CDC42: variants seen among roughly 807,000 people sequenced by gnomAD.
The protein encoded by CDC42 is cell division cycle 42, also known as cell division control protein 42 homolog.
In CDC42, 1 loss-of-function variant was observed where a neutral mutation model predicts 20.8. The ratio of observed to expected loss-of-function variants is 0.05; its 90% confidence interval spans 0.02 to 0.23. The LOEUF is 0.23. CDC42 is among the 10% of genes least tolerant of loss of function. The pLI is 1.00. For missense variants in CDC42, 49 were observed against 227.9 expected (o/e 0.21, Z 5.05); for synonymous variants, 72 against 84.8 (o/e 0.85, Z 0.83).
chr1:22,097,028 A>G lies in CDC42; in HGVS notation c.*5511A>G, dbSNP rs1441845842. On this transcript the variant is annotated 3_prime_UTR_variant, in exon 6 of 6. Coordinates refer to ENST00000656825, the MANE Select transcript of CDC42 (RefSeq NM_001791.4). ...TAAGATGGAGAACTGGGTGGGGAAC[A>G]ATTTGTAATCCTTTTTAGTTCATAT... 6.6e-6 allele frequency among the ~76,000 whole-genome samples: 1 copy of G among 152,240 alleles called. No homozygotes were observed. Among genetic ancestry groups the G allele is most frequent in the Non-Finnish European group, 1.5e-5 (1 of 68,046 alleles).
chr1:22,061,290 C>T (rs572199284), intron 1 of CDC42, among the ~76,000 whole-genome samples: 1 of 151,866 alleles, frequency 6.6e-6, no homozygotes, highest in Non-Finnish European at 1.5e-5. Flanking sequence ...TGCCTGTAAT[C>T]CCAGCTACTC....
Position 22,097,950 on chromosome 1 carries a change from A to G in CDC42, c.*6433A>G, listed in dbSNP as rs1645767955. ...ACCATGCATCTCTGAAGTAGAAGTG[A>G]CAGATTTTCAAGGCTAAGGTAAGTA... is the stretch of plus-strand genomic sequence containing the variant. On this transcript the variant is annotated 3_prime_UTR_variant, in exon 6 of 6. Transcript: ENST00000656825. 1.3e-5 allele frequency among the ~76,000 whole-genome samples: 2 copies of G among 152,218 alleles called. No individual in the cohort carries two copies. The highest frequency in any genetic ancestry group is 6.5e-5 in the Admixed American group (1 of 15,274).
intron 1 of CDC42, among the ~76,000 whole-genome samples, chr1:22,072,091 C>CTTTTTT (rs55929932): frequency 1.4e-5 from 1 of 70,826 alleles, no homozygotes; most frequent in Admixed American, 2.1e-4. Context: ...TTTTACTTAC[C>CTTTTTT]TTTTTTTTTT....
intron 2 of CDC42, among the ~76,000 whole-genome samples, chr1:22,080,713 T>C (rs1378098408): frequency 6.6e-6 from 1 of 152,224 alleles, no homozygotes; most frequent in Non-Finnish European, 1.5e-5. Flanking sequence ...CATTTAGCAT[T>C]GTTAAACCTC....
intron 5 of CDC42, chr1:22,089,817 G>A (rs752231827): frequency 6.8e-6 from 6 of 888,206 alleles, no homozygotes; most frequent in Non-Finnish European, 9.9e-6. Flanking sequence ...TAGCATTCTA[G>A]CGTTTTTCTT....
Position 22,095,899 on chromosome 1 carries a change from G to A in CDC42, c.*4382G>A, listed in dbSNP as rs527811160. Among the ~76,000 whole-genome samples the A allele has an allele frequency of 5.9e-5, 9 of 152,144 alleles. No individual in the cohort carries two copies. The highest frequency in any genetic ancestry group is 1.0e-4 in the Non-Finnish European group (7 of 67,982). On this transcript the variant is annotated 3_prime_UTR_variant, in exon 6 of 6. Transcript: ENST00000656825. ...TTCTCGTATTCCATTGCCCAGAGAT[G>A]GCATATAGCCGATCCCAAGTCAGTG...
intron 2 of CDC42, among the ~76,000 whole-genome samples, chr1:22,079,160 A>G (rs1227089558): frequency 7.9e-6 from 1 of 127,310 alleles, no homozygotes; most frequent in South Asian, 2.5e-4. Context: ...TTTTTTTGAG[A>G]TGGAGTCTCT....
rs1645735576 is a variant in CDC42 at position 22,093,525 on chromosome 1, A to G, written c.*2008A>G. On this transcript the variant is annotated 3_prime_UTR_variant, in exon 6 of 6. Coordinates refer to ENST00000656825, the MANE Select transcript of CDC42 (RefSeq NM_001791.4). ...AGGACATTATACTGATCTGCATGAG[A>G]ATCTTAGAAACTAAGAACCCTTAAA... is the stretch of plus-strand genomic sequence containing the variant. Among the ~76,000 whole-genome samples, 1 of 152,198 alleles carries G rather than the reference A, an allele frequency of 6.6e-6. No homozygotes were observed. The highest frequency in any genetic ancestry group is 2.4e-5 in the African/African-American group (1 of 41,438).
At chr1:22,075,548 T>C (rs1182597013) in intron 1 of CDC42, among the ~76,000 whole-genome samples, 1 of 152,230 alleles carries the variant, frequency 6.6e-6, no homozygotes, top group Non-Finnish European at 1.5e-5. Flanking sequence ...GTGTTATGAG[T>C]TCCTTTCTAA....
chr1:22,099,741 G>A lies in CDC42; in HGVS notation c.*8224G>A, dbSNP rs2124070873. Among the ~76,000 whole-genome samples the A allele has an allele frequency of 6.6e-6, 1 of 152,220 alleles. No homozygotes were observed. The highest frequency in any genetic ancestry group is 2.1e-4 in the South Asian group (1 of 4,818). ...AGGTGTAGCTTTAGAGGATTGTAGG[G>A]TGCCTTTGCCCATTGTGTCATTTGG... On this transcript the variant is annotated 3_prime_UTR_variant, in exon 6 of 6. Transcript: ENST00000656825.
At chr1:22,076,792 T>A (rs1288090969) in intron 1 of CDC42, among the ~76,000 whole-genome samples, 1 of 151,930 alleles carries the variant, frequency 6.6e-6, no homozygotes, top group African/African-American at 2.4e-5. Flanking sequence ...TGCTTCTTAG[T>A]GCATAAAAGG....
intron 1 of CDC42, among the ~76,000 whole-genome samples, chr1:22,054,893 A>G (rs11802628): frequency 0.083 from 367 of 4,432 alleles, 6 homozygotes; most frequent in East Asian, 0.37. Flanking sequence ...GAATTTATGT[A>G]TATATATATA....
chr1:22,059,859 G>T (rs1169300309), intron 1 of CDC42, among the ~76,000 whole-genome samples: 3 of 149,536 alleles, frequency 2.0e-5, no homozygotes, highest in Non-Finnish European at 4.4e-5. Context: ...TTTTTCAAGG[G>T]CCAGATTGAA....
At chr1:22,066,651 A>G (rs891548165) in intron 1 of CDC42, among the ~76,000 whole-genome samples, 1 of 151,630 alleles carries the variant, frequency 6.6e-6, no homozygotes. Flanking sequence ...GGAGGGTACT[A>G]TTGCCCTGGA....
In CDC42 at chr1:22,095,762, G is replaced by A. The variant is rs1645753829; in HGVS notation, c.*4245G>A. Among the ~76,000 whole-genome samples, 1 of 152,026 alleles carries A rather than the reference G, an allele frequency of 6.6e-6. No homozygotes were observed. The highest frequency in any genetic ancestry group is 2.4e-5 in the African/African-American group (1 of 41,390). On this transcript the variant is annotated 3_prime_UTR_variant, in exon 6 of 6. Coordinates refer to ENST00000656825, the MANE Select transcript of CDC42 (RefSeq NM_001791.4). Reference sequence around the variant, plus strand: ...GTCTCTAGCCTTCAGATTGGGCTCAGGTGGGCTTTGTGTTTGTCATTCTGG... The same window carrying A: ...GTCTCTAGCCTTCAGATTGGGCTCAAGTGGGCTTTGTGTTTGTCATTCTGG...
intron 1 of CDC42, among the ~76,000 whole-genome samples, chr1:22,073,791 C>T (rs1437238105): frequency 6.6e-6 from 1 of 150,656 alleles, no homozygotes; most frequent in East Asian, 2.0e-4. Context: ...GTAACTGGGA[C>T]TACAGGTGTG....
Position 22,099,899 on chromosome 1 carries a change from G to A in CDC42, c.*8382G>A, listed in dbSNP as rs1009702532. 2.1e-3 allele frequency among the ~76,000 whole-genome samples: 2 copies of A among 962 alleles called. No individual in the cohort carries two copies. Among genetic ancestry groups the A allele is most frequent in the Non-Finnish European group, 3.6e-3 (2 of 558 alleles). The allele number at this position is 962 out of a possible 152,430, so 0.6% of individuals were successfully genotyped here. Reference sequence around the variant, plus strand: ...TGAGGCATGTTATGATACAAAGCTTGTCCAAGAATTCAGAGCTAGCTTGTC... The same window carrying A: ...TGAGGCATGTTATGATACAAAGCTTATCCAAGAATTCAGAGCTAGCTTGTC... On this transcript the variant is annotated 3_prime_UTR_variant, in exon 6 of 6. Transcript: ENST00000656825.
At chr1:22,055,362 T>G (rs1238845671) in intron 1 of CDC42, among the ~76,000 whole-genome samples, 1 of 152,034 alleles carries the variant, frequency 6.6e-6, no homozygotes, top group Non-Finnish European at 1.5e-5. Context: ...TATCACATCC[T>G]CTGTTTATAC....
Position 22,093,505 on chromosome 1 carries a change from A to G in CDC42, c.*1988A>G, listed in dbSNP as rs17837994. Among the ~76,000 whole-genome samples the G allele has an allele frequency of 6.6e-6, 1 of 152,224 alleles. No homozygotes were observed. The highest frequency in any genetic ancestry group is 1.5e-5 in the Non-Finnish European group (1 of 68,026). ...AGAAAGGTTTATTTACCTTTAGGAC[A>G]TTATACTGATCTGCATGAGAATCTT... On this transcript the variant is annotated 3_prime_UTR_variant, in exon 6 of 6. Coordinates refer to ENST00000656825, the MANE Select transcript of CDC42 (RefSeq NM_001791.4).
Sources: allele counts gnomAD v4.1 joint callset (sites outside exome capture counted in the v4.1 genomes callset), GRCh38; gene constraint gnomAD v4.1.1; transcripts MANE v1.5; gene names NCBI Gene and HGNC (gene_info 2026-07-23, HGNC 2026-07-21).